The following TTC28 variants were observed in gnomAD, a reference collection of about 807,000 sequenced individuals.
TTC28 encodes tetratricopeptide repeat protein 28.
Under a neutral mutation model 198.0 loss-of-function variants are expected in TTC28, and 61 were observed. The ratio of observed to expected loss-of-function variants is 0.31; its 90% CI spans 0.25 to 0.38. The LOEUF (loss-of-function observed/expected upper bound fraction) is 0.38, where lower values mean the gene tolerates loss of function less well. Ranked by LOEUF, TTC28 falls within the 10% of genes least tolerant of loss-of-function variation. The pLI is 1.00. For synonymous variants in TTC28, 1,171 were observed against 1,297.8 expected (o/e 0.90, Z 2.10); for missense variants, 2,678 against 3,164.0 (o/e 0.85, Z 3.69).
intron 2 of TTC28, among the ~76,000 whole-genome samples, chr22:28,613,904 C>T (rs1014096613): frequency 2.6e-5 from 4 of 152,180 alleles, no homozygotes; most frequent in African/African-American, 9.6e-5. Flanking sequence ...TGCCCTTTCT[C>T]ACCACTCCTA....
chr22:28,085,577 T>A (rs1941556220), intron 12 of TTC28, among the ~76,000 whole-genome samples: 2 of 152,206 alleles, frequency 1.3e-5, no homozygotes, highest in Non-Finnish European at 2.9e-5. Context: ...GTAAAGACCA[T>A]CGAGGCTAGG....
intron 2 of TTC28, among the ~76,000 whole-genome samples, chr22:28,406,067 G>A (rs2046993694): frequency 6.6e-6 from 1 of 152,146 alleles, no homozygotes; most frequent in Non-Finnish European, 1.5e-5. Context: ...GAACCCTCCT[G>A]CGCTAAGCCC....
Position 28,645,397 on chromosome 22 carries a change from G to A in TTC28, c.103-15567C>T, listed in dbSNP as rs556513161. 3.3e-5 allele frequency among the ~76,000 whole-genome samples: 5 copies of A among 152,092 alleles called. No homozygotes were observed. The South Asian group carries it at 1.0e-3, about 32-fold the overall frequency. The stretch of plus-strand genomic sequence containing the variant: ...TAATCCCAGCACTTTGGGAGGCCAA[G>A]GTGGGGGGATCACAAGGTCAGGAGA... On this transcript the variant is annotated intron_variant, in intron 1 of 22. Transcript: ENST00000397906.
At chr22:28,416,665 G>A (rs1218403380) in intron 2 of TTC28, among the ~76,000 whole-genome samples, 19 of 152,144 alleles carry the variant, frequency 1.2e-4, no homozygotes, top group Admixed American at 1.3e-4. Flanking sequence ...GCTCAGTTTC[G>A]TCACTCCAAG....
intron 3 of TTC28, chr22:28,303,742 G>C (rs1356311087): frequency 6.6e-6 from 1 of 151,690 alleles, no homozygotes; most frequent in Middle Eastern, 3.2e-3. Flanking sequence ...TGCATTCAAG[G>C]ATTACAAAAC....
chr22:28,296,884 C>A (rs1343364710), intron 4 of TTC28, among the ~76,000 whole-genome samples: 1 of 152,150 alleles, frequency 6.6e-6, no homozygotes, highest in Admixed American at 6.5e-5. Context: ...AGTCACACAG[C>A]TAGTAAGTGG....
intron 2 of TTC28, among the ~76,000 whole-genome samples, chr22:28,570,706 A>G (rs2050046311): frequency 6.6e-6 from 1 of 152,240 alleles, no homozygotes; most frequent in Non-Finnish European, 1.5e-5. Flanking sequence ...TTGGAAAGAA[A>G]AAAACTTTTA....
At chr22:28,495,857 C>T (rs2048447539) in intron 2 of TTC28, among the ~76,000 whole-genome samples, 1 of 152,070 alleles carries the variant, frequency 6.6e-6, no homozygotes, top group Non-Finnish European at 1.5e-5. Context: ...CTCCTCATCT[C>T]CAATTTTCTC....
intron 6 of TTC28, among the ~76,000 whole-genome samples, chr22:28,152,191 CT>C (rs1188271201): frequency 1.3e-5 from 2 of 152,168 alleles, no homozygotes; most frequent in African/African-American, 4.8e-5. Flanking sequence ...TAGACAATAG[CT>C]TCTCTAGGAA....
chr22:27,996,265 G>A lies in TTC28; in HGVS notation c.5120-6C>T. On this transcript the variant is annotated splice_polypyrimidine_tract_variant and splice_region_variant and intron_variant, in intron 16 of 22. Transcript: ENST00000397906. ...ACTCCCGATGAGCATGAACCCTGCA[G>A]AAAGCAAAGGAGGGCACCTCAGCAG... 2.6e-6 allele frequency: 4 copies of A among 1,550,276 alleles called. No individual in the cohort carries two copies. The highest frequency in any genetic ancestry group is 3.5e-6 in the Non-Finnish European group (4 of 1,146,770).
In TTC28 at chr22:27,982,207, G is replaced by A. The variant is rs927790772; in HGVS notation, c.*14C>T. 1.8e-5 allele frequency: 26 copies of A among 1,462,990 alleles called. No homozygotes were observed. The highest frequency in any genetic ancestry group is 2.3e-5 in the Non-Finnish European group (26 of 1,107,118). The allele number at this position is 1,462,990 out of a possible 1,614,324, so 90.6% of individuals were successfully genotyped here. A position where few individuals can be genotyped will look rare whatever the true frequency, so the allele number is the denominator to read the frequency against. On this transcript the variant is annotated 3_prime_UTR_variant, in exon 23 of 23. Coordinates refer to ENST00000397906, the MANE Select transcript of TTC28 (RefSeq NM_001145418.2). The surrounding 1 kb of genome is among the most constrained non-coding windows in gnomAD (Gnocchi z 5.2). ...TCTGCAGGCTGCTCAGAGTCAGTGG[G>A]TATAAAAGATGCTTTAGCATTTGGA...
chr22:28,506,657 G>T (rs565249794), intron 2 of TTC28, among the ~76,000 whole-genome samples: 2 of 152,092 alleles, frequency 1.3e-5, no homozygotes, highest in South Asian at 2.1e-4. Flanking sequence ...AGGCATGTTC[G>T]GGCCAGCAAC....
intron 6 of TTC28, among the ~76,000 whole-genome samples, chr22:28,114,304 C>CT (rs1942571003): frequency 1.3e-5 from 2 of 152,178 alleles, no homozygotes; most frequent in South Asian, 4.1e-4. Flanking sequence ...CCCTAGATAT[C>CT]TTTAGGTTCC....
intron 5 of TTC28, among the ~76,000 whole-genome samples, chr22:28,190,944 G>C (rs1924679830): frequency 6.6e-6 from 1 of 152,038 alleles, no homozygotes; most frequent in Non-Finnish European, 1.5e-5. Flanking sequence ...CTAAACTATA[G>C]CTCTGACTAT....
At chr22:27,995,575 G>A (rs1266844860) in intron 17 of TTC28, among the ~76,000 whole-genome samples, 2 of 152,196 alleles carry the variant, frequency 1.3e-5, no homozygotes, top group Admixed American at 6.5e-5. Flanking sequence ...CTGATCAAGG[G>A]CATGATCAGA....
Position 28,248,116 on chromosome 22 carries a change from T to C in TTC28, c.933+48082A>G, listed in dbSNP as rs550979741. Among the ~76,000 whole-genome samples the C allele has an allele frequency of 4.6e-5, 7 of 152,322 alleles. No homozygotes were observed. The South Asian group carries it at 1.5e-3, about 32-fold the overall frequency. The stretch of plus-strand genomic sequence containing the variant: ...GTCAGTATTAGTAAGTGGCCTATGA[T>C]AAATGACCCATTCAACTCTGCAGTA... On this transcript the variant is annotated intron_variant, in intron 5 of 22. Transcript: ENST00000397906.
chr22:28,192,187 G>C (rs550713081), intron 5 of TTC28, among the ~76,000 whole-genome samples: 60 of 152,332 alleles, frequency 3.9e-4, no homozygotes, highest in African/African-American at 1.4e-3. Context: ...AGGGTCTGGA[G>C]TGGACCTCCA....
intron 12 of TTC28, among the ~76,000 whole-genome samples, chr22:28,043,241 T>TAAAAAA (rs1939728695): frequency 3.6e-4 from 7 of 19,484 alleles, no homozygotes; most frequent in African/African-American, 1.8e-3. Flanking sequence ...AGACTCCATC[T>TAAAAAA]CAAAAAAAAA....
intron 2 of TTC28, among the ~76,000 whole-genome samples, chr22:28,413,244 G>C (rs905829705): frequency 6.6e-6 from 1 of 152,024 alleles, no homozygotes; most frequent in Non-Finnish European, 1.5e-5. Flanking sequence ...GACCATCCTG[G>C]CTAACAAGGT....
Sources: gnomAD v4.1 joint callset for allele counts (sites outside exome capture counted in the v4.1 genomes callset) on GRCh38, gnomAD v4.1.1 for gene constraint, Gnocchi (gnomAD v3.1) non-coding constraint, MANE v1.5 for transcripts, NCBI Gene and HGNC (gene_info 2026-07-23, HGNC 2026-07-21) for gene names.